The following PEDS1 variants were observed in gnomAD, a reference collection of about 807,000 sequenced individuals.
PEDS1 encodes the protein CarF homolog.
PEDS1 carries 14 observed loss-of-function variants against 35.2 expected under a neutral mutation model. That is an observed-to-expected ratio of 0.40 (90% CI 0.26 to 0.62). The LOEUF (loss-of-function observed/expected upper bound fraction) is 0.62. Ranked by LOEUF, PEDS1 falls within the 20% of genes least tolerant of loss-of-function variation. PEDS1 has a pLI of 0.44. For missense variants in PEDS1, 260 were observed against 367.8 expected (o/e 0.71, Z 2.40); for synonymous variants, 152 against 152.0 (o/e 1.00, Z 0.00).
chr20:50,135,231 C>T (rs771139760), intron 2 of PEDS1, among the ~76,000 whole-genome samples: 5 of 151,998 alleles, frequency 3.3e-5, no homozygotes, highest in Admixed American at 6.6e-5. Flanking sequence ...TTGGGCTTTG[C>T]AGGCCAAGGC....
intron 1 of PEDS1, among the ~76,000 whole-genome samples, chr20:50,150,353 A>G (rs1230189429): frequency 6.6e-6 from 1 of 152,084 alleles, no homozygotes; most frequent in African/African-American, 2.4e-5. Context: ...TCTTCCCTCC[A>G]GCCTACATGT....
intron 2 of PEDS1, among the ~76,000 whole-genome samples, chr20:50,137,320 C>A (rs1238464735): frequency 6.6e-6 from 1 of 152,172 alleles, no homozygotes; most frequent in Non-Finnish European, 1.5e-5. Flanking sequence ...GGATGACAGG[C>A]GTGAGCCACC....
intron 1 of PEDS1, among the ~76,000 whole-genome samples, chr20:50,146,520 TG>T (rs1177743825): frequency 1.3e-5 from 2 of 152,162 alleles, no homozygotes; most frequent in East Asian, 3.9e-4. Flanking sequence ...CGACATACCT[TG>T]GGAAGGAAGT....
intron 5 of PEDS1, among the ~76,000 whole-genome samples, chr20:50,125,695 G>A (rs1328053984): frequency 6.6e-6 from 1 of 152,146 alleles, no homozygotes; most frequent in Non-Finnish European, 1.5e-5. Context: ...CCGGGTTCAA[G>A]TGACTCTCCT....
chr20:50,144,894 G>A (rs945533380), intron 1 of PEDS1, among the ~76,000 whole-genome samples: 3 of 151,858 alleles, frequency 2.0e-5, no homozygotes, highest in African/African-American at 7.3e-5. Flanking sequence ...TCTTTTAATT[G>A]TAAATTAAAA....
chr20:50,124,928 G>C lies in PEDS1; in HGVS notation c.*130C>G, dbSNP rs576928224. The C allele has an allele frequency of 7.7e-6, 10 of 1,296,492 alleles. No individual in the cohort carries two copies. Among genetic ancestry groups the C allele is most frequent in the Non-Finnish European group, 1.1e-5 (10 of 934,188 alleles). 80.3% of individuals were successfully genotyped at this position (1,296,492 alleles called of 1,614,324 possible). On this transcript the variant is annotated 3_prime_UTR_variant, in exon 6 of 6. Coordinates refer to ENST00000371652, the MANE Select transcript of PEDS1 (RefSeq NM_199129.4). ...TTCTGTGTCATGAGGGGTGGGCTGG[G>C]GTACCTGGGCCCAGCCCAGGAGATG...
At position 50,143,620 on chromosome 20, in the gene PEDS1, G is replaced by A; in HGVS notation, c.123C>T (p.Gly41=). Residue 41 remains glycine, a splice_region_variant and synonymous_variant, in exon 2 of 6, where the codon GGC becomes GGT. Transcript: ENST00000371652. ...ARELAALYSP[G]KRLQEWCSVI... Reference sequence around the variant, plus strand: ...CAGAGCACCACTCCTGGAGGCGCTTGCCTGCAGGGAGCAGAGGCGAGAGGT... The same window carrying A: ...CAGAGCACCACTCCTGGAGGCGCTTACCTGCAGGGAGCAGAGGCGAGAGGT... The A allele has an allele frequency of 6.2e-7, 1 of 1,614,104 alleles. No individual in the cohort carries two copies. The highest frequency in any genetic ancestry group is 8.5e-7 in the Non-Finnish European group (1 of 1,179,988).
At position 50,153,531 on chromosome 20, in the gene PEDS1, G is replaced by A. The variant is rs1156268434; in HGVS notation, c.107C>T (p.Ala36Val). The A allele has an allele frequency of 1.4e-6, 2 of 1,423,542 alleles. No individual in the cohort carries two copies. The highest frequency in any genetic ancestry group is 1.8e-6 in the Non-Finnish European group (2 of 1,081,930). The allele number at this position is 1,423,542 out of a possible 1,614,324, so 88.2% of individuals were successfully genotyped here. A position where few individuals can be genotyped will look rare whatever the true frequency, so the allele number is the denominator to read the frequency against. The change falls in exon 1 of 6, where the codon GCG becomes GTG. Residue 36 changes from alanine (A) to valine (V), a missense_variant. Around this residue, in one of 4 missense-constraint regions of PEDS1, gnomAD observed 114 missense variants for 121.6 expected, o/e 0.94. Coordinates refer to ENST00000371652, the MANE Select transcript of PEDS1 (RefSeq NM_199129.4). ...AGAGGTCTTACCTGGCGAGTAGAGC[G>A]CAGCCAGCTCGCGGGCCCCGGCGTG... ...AQHAGARELA[A>V]LYSPGKRLQE...
rs2081064944 is a variant in PEDS1 at position 50,123,082 on chromosome 20, C to G, written c.*1976G>C. On this transcript the variant is annotated 3_prime_UTR_variant, in exon 6 of 6. Coordinates refer to ENST00000371652, the MANE Select transcript of PEDS1 (RefSeq NM_199129.4). ...TTAGCCTGGGTGACAGAGCATGACC[C>G]TGTCTCTAAAAACATAGTAATAAAT... The G allele has an allele frequency of 6.6e-6, 1 of 152,146 alleles. No homozygotes were observed. Among genetic ancestry groups the G allele is most frequent in the Non-Finnish European group, 1.5e-5 (1 of 68,070 alleles). 9.4% of individuals were successfully genotyped at this position (152,146 alleles called of 1,614,324 possible).
intron 1 of PEDS1, among the ~76,000 whole-genome samples, chr20:50,151,889 C>A (rs906545347): frequency 6.6e-6 from 1 of 151,914 alleles, no homozygotes; most frequent in East Asian, 1.9e-4. Context: ...AAACAAAAAA[C>A]AACAAAAAAA....
rs758417307 is a variant in PEDS1 at position 50,129,555 on chromosome 20, G to C, written c.469C>G (p.His157Asp). Residue 157 changes from histidine to aspartate, a missense_variant, in exon 4 of 6, where the codon CAC becomes GAC. By Grantham distance (81) the His-to-Asp change is moderately conservative. Around this residue, in one of 4 missense-constraint regions of PEDS1, gnomAD observed 29 missense variants for 21.5 expected, o/e 1.35. Transcript: ENST00000371652. This position sits in a 1 kb window ranked among gnomAD's most constrained non-coding sequence, Gnocchi z 4.2. ...TAGCTGGGTGTCTCACCAGGGCTGT[G>C]GGTGCGGAACTTGTAGGCCATGTTT... ...LLNMAYKFRTHSPEALEQLYP... is the reference protein window; with the variant it reads ...LLNMAYKFRTDSPEALEQLYP... 21 of 1,614,058 alleles carry C rather than the reference G, an allele frequency of 1.3e-5. No homozygotes were observed. The highest frequency in any genetic ancestry group is 2.2e-5 in the East Asian group (1 of 44,896).
chr20:50,136,909 T>C (rs1382496063), intron 2 of PEDS1, among the ~76,000 whole-genome samples: 1 of 151,846 alleles, frequency 6.6e-6, no homozygotes, highest in Non-Finnish European at 1.5e-5. Context: ...TGGTGGCATG[T>C]GCCTGTGGTC....
chr20:50,120,268 AAAACAAAC>A lies in PEDS1; in HGVS notation c.*4782_*4789del, dbSNP rs59829432. 53 of 194,284 alleles carry A rather than the reference AAAACAAAC, an allele frequency of 2.7e-4. No individual in the cohort carries two copies. Among genetic ancestry groups the A allele is most frequent in the East Asian group, 9.4e-4 (6 of 6,350 alleles). 12.0% of individuals were successfully genotyped at this position (194,284 alleles called of 1,614,324 possible). ...CAACAGAGCAAGACCCTGTCTCTAA[AAAACAAAC>A]AAACAAACAAACAAACAAACAACCC... On this transcript the variant is annotated 3_prime_UTR_variant, in exon 6 of 6. Coordinates refer to ENST00000371652, the MANE Select transcript of PEDS1 (RefSeq NM_199129.4).
In PEDS1 at chr20:50,124,020, A is replaced by G. The variant is rs1483019229; in HGVS notation, c.*1038T>C. On this transcript the variant is annotated 3_prime_UTR_variant, in exon 6 of 6. Transcript: ENST00000371652. ...CCAAAAGGCTTTGGAGCAGATGTCA[A>G]CATTAATTCACTGTCTCAGGTGACA... 6.6e-6 allele frequency: 1 copy of G among 152,472 alleles called. No individual in the cohort carries two copies. Among genetic ancestry groups the G allele is most frequent in the Non-Finnish European group, 1.5e-5 (1 of 68,050 alleles). The allele number at this position is 152,472 out of a possible 1,614,324, so 9.4% of individuals were successfully genotyped here. A position where few individuals can be genotyped will look rare whatever the true frequency, so the allele number is the denominator to read the frequency against.
chr20:50,128,686 G>A lies in PEDS1; in HGVS notation c.479-499C>T, dbSNP rs976939651. Reference sequence around the variant, plus strand: ...CAAGACACGGCAGGGGAAGAGCAGAGCAAAGATGGGGTGGGTGGCGTCCTG... The same window carrying A: ...CAAGACACGGCAGGGGAAGAGCAGAACAAAGATGGGGTGGGTGGCGTCCTG... On this transcript the variant is annotated intron_variant, in intron 4 of 5. Transcript: ENST00000371652. This position sits in a 1 kb window ranked among gnomAD's most constrained non-coding sequence, Gnocchi z 5.2. Among the ~76,000 whole-genome samples the A allele has an allele frequency of 6.6e-6, 1 of 152,202 alleles. No individual in the cohort carries two copies. The highest frequency in any genetic ancestry group is 6.5e-5 in the Admixed American group (1 of 15,288).
rs2147260270 is a variant in PEDS1, at chr20:50,120,896, A to G, written c.*4162T>C. On this transcript the variant is annotated 3_prime_UTR_variant, in exon 6 of 6. Transcript: ENST00000371652. ...CAGTTGGGGGCAGGCGCCCAAAGGTATGTGCCCAGGCCCCTTCTAAAGAAC... is the reference window on the plus strand; with the variant it reads ...CAGTTGGGGGCAGGCGCCCAAAGGTGTGTGCCCAGGCCCCTTCTAAAGAAC... 1 of 152,160 alleles carries G rather than the reference A, an allele frequency of 6.6e-6. No homozygotes were observed. Among genetic ancestry groups the G allele is most frequent in the South Asian group, 2.1e-4 (1 of 4,810 alleles). The allele number at this position is 152,160 out of a possible 1,614,324, so 9.4% of individuals were successfully genotyped here.
chr20:50,145,512 T>C (rs997036741), intron 1 of PEDS1, among the ~76,000 whole-genome samples: 1 of 152,160 alleles, frequency 6.6e-6, no homozygotes, highest in African/African-American at 2.4e-5. Flanking sequence ...CAGGCCAACG[T>C]GGCGAAACCC....
Position 50,119,401 on chromosome 20 carries a change from A to C in PEDS1, c.*5657T>G, listed in dbSNP as rs2081032921. The C allele has an allele frequency of 6.8e-6, 1 of 146,170 alleles. No individual in the cohort carries two copies. The highest frequency in any genetic ancestry group is 1.5e-5 in the Non-Finnish European group (1 of 67,410). 9.1% of individuals were successfully genotyped at this position (146,170 alleles called of 1,614,324 possible). A position where few individuals can be genotyped will look rare whatever the true frequency, so the allele number is the denominator to read the frequency against. On this transcript the variant is annotated 3_prime_UTR_variant, in exon 6 of 6. Coordinates refer to ENST00000371652, the MANE Select transcript of PEDS1 (RefSeq NM_199129.4). Reference sequence around the variant, plus strand: ...TAGTGAGCTGGGATTGCACCACTGCACTCTAGCCCAGGTAATAGAGCAAGA... The same window carrying C: ...TAGTGAGCTGGGATTGCACCACTGCCCTCTAGCCCAGGTAATAGAGCAAGA...
chr20:50,140,033 C>G (rs2081276672), intron 2 of PEDS1, among the ~76,000 whole-genome samples: 1 of 152,184 alleles, frequency 6.6e-6, no homozygotes. Context: ...TCTCAAGCAT[C>G]TCCCTCAGGC....
Sources: gnomAD v4.1 joint callset for allele counts (sites outside exome capture counted in the v4.1 genomes callset) on GRCh38, gnomAD v4.1.1 for gene constraint, gnomAD v4.1.1 regional missense constraint, Gnocchi (gnomAD v3.1) non-coding constraint, MANE v1.5 for transcripts, NCBI Gene and HGNC (gene_info 2026-07-23, HGNC 2026-07-21) for gene names.